The following CEP128 variants were observed in gnomAD, a reference collection of about 807,000 sequenced individuals.
The protein encoded by CEP128 is centrosomal protein 128kDa.
A neutral mutation model predicts 156.7 loss-of-function variants in CEP128; 132 were observed. The observed-to-expected ratio is 0.84, with a 90% CI of 0.73 to 0.97. The LOEUF is 0.97. Ranked by LOEUF, CEP128 falls within the 50% of genes least tolerant of loss-of-function variation. The probability of loss-of-function intolerance (pLI) is 0.00; values close to 1 mark genes in which losing one functional copy is unlikely to be tolerated. For synonymous variants in CEP128, 469 were observed against 448.9 expected (o/e 1.04, Z -0.57); for missense variants, 1,252 against 1,281.9 (o/e 0.98, Z 0.36).
intron 19 of CEP128, among the ~76,000 whole-genome samples, chr14:80,658,400 C>T (rs1020209066): frequency 3.9e-5 from 6 of 152,250 alleles, no homozygotes; most frequent in African/African-American, 1.4e-4. Context: ...GCTGTTCATC[C>T]ACACTCCTCA....
chr14:80,621,637 A>G (rs1264880728), intron 19 of CEP128, among the ~76,000 whole-genome samples: 2 of 152,228 alleles, frequency 1.3e-5, no homozygotes, highest in Non-Finnish European at 2.9e-5. Context: ...AAAAGGGGGT[A>G]CGGTCTAGAT....
At chr14:80,769,446 A>C in intron 16 of CEP128, among the ~76,000 whole-genome samples, 1 of 151,522 alleles carries the variant, frequency 6.6e-6, no homozygotes, top group African/African-American at 2.4e-5. Flanking sequence ...GCCCCACGAC[A>C]GGCCCCGGTG....
At chr14:80,739,196 A>C (rs1433786608) in intron 19 of CEP128, among the ~76,000 whole-genome samples, 1 of 152,184 alleles carries the variant, frequency 6.6e-6, no homozygotes, top group Non-Finnish European at 1.5e-5. Flanking sequence ...CTTCTAGACT[A>C]TGTATATGTT....
intron 10 of CEP128, among the ~76,000 whole-genome samples, chr14:80,839,086 G>A (rs890636970): frequency 2.6e-5 from 4 of 152,088 alleles, no homozygotes; most frequent in Admixed American, 2.0e-4. Context: ...GCAACAGAGC[G>A]AGACTCCGTC....
At chr14:80,518,091 T>C (rs7161144) in intron 23 of CEP128, among the ~76,000 whole-genome samples, 117,189 of 148,352 alleles carry the variant, frequency 0.79, 48,345 homozygotes, top group Middle Eastern at 0.9. Flanking sequence ...AACTCCCATA[T>C]AATGGGAGGG....
chr14:80,775,936 T>C (rs147574209), intron 16 of CEP128, among the ~76,000 whole-genome samples: 1,576 of 152,218 alleles, frequency 0.01, 30 homozygotes, highest in African/African-American at 0.037. Context: ...CGGGTTCAAG[T>C]GATTCTCCTG....
intron 23 of CEP128, among the ~76,000 whole-genome samples, chr14:80,523,855 T>G (rs1426948451): frequency 6.6e-6 from 1 of 152,214 alleles, no homozygotes; most frequent in Non-Finnish European, 1.5e-5. Flanking sequence ...GACCAGAGGT[T>G]GGAAAACTTT....
upstream of CEP128, among the ~76,000 whole-genome samples, chr14:80,946,327 CAT>C (rs1471616432): frequency 3.1e-5 from 2 of 65,388 alleles, no homozygotes; most frequent in African/African-American, 6.0e-5. Flanking sequence ...CATGATGCAT[CAT>C]GATGATGCCT....
At chr14:80,647,149 T>C (rs1056584807) in intron 19 of CEP128, among the ~76,000 whole-genome samples, 1 of 136,268 alleles carries the variant, frequency 7.3e-6, no homozygotes, top group Non-Finnish European at 1.5e-5. Context: ...ACACACACAC[T>C]GCATTCTAGA....
At chr14:80,498,504 T>C (rs1045713252) in intron 24 of CEP128, among the ~76,000 whole-genome samples, 2 of 152,182 alleles carry the variant, frequency 1.3e-5, no homozygotes, top group Non-Finnish European at 2.9e-5. Flanking sequence ...CAGTAGCCCG[T>C]ATCTCTAGGA....
At chr14:80,868,467 T>A (rs1887876478) in intron 8 of CEP128, among the ~76,000 whole-genome samples, 1 of 151,956 alleles carries the variant, frequency 6.6e-6, no homozygotes, top group African/African-American at 2.4e-5. Flanking sequence ...TTTATGTAAA[T>A]ACCATGGTAA....
downstream of CEP128, among the ~76,000 whole-genome samples, chr14:80,486,743 T>C (rs867423785): frequency 1.3e-5 from 2 of 151,986 alleles, no homozygotes; most frequent in African/African-American, 2.4e-5. Context: ...GAATTTTCAA[T>C]CCAGAATTTC....
intron 15 of CEP128, among the ~76,000 whole-genome samples, chr14:80,784,170 T>A (rs908905134): frequency 6.6e-6 from 1 of 151,794 alleles, no homozygotes; most frequent in African/African-American, 2.4e-5. Flanking sequence ...GCACTGGGGA[T>A]ATAGCTAGAA....
chr14:80,859,754 A>G (rs1292591937), intron 9 of CEP128, among the ~76,000 whole-genome samples: 2 of 152,178 alleles, frequency 1.3e-5, no homozygotes, highest in Non-Finnish European at 2.9e-5. Flanking sequence ...CCCTTGACCA[A>G]TTTCCAATGA....
rs139839421 is a variant in CEP128, at chr14:80,532,225, G to T, written c.2881-1339C>A. Among the ~76,000 whole-genome samples the T allele has an allele frequency of 9.4e-3, 1,423 of 151,748 alleles. 17 individuals carry two copies. The highest frequency in any genetic ancestry group is 0.015 in the Non-Finnish European group (1,031 of 67,918). ...TATTTTTTTTCTGAGACAGGGTCTC[G>T]CTCTGTTGTCCAGGCTAGAGTGCAA... On this transcript the variant is annotated intron_variant, in intron 21 of 24. Coordinates refer to ENST00000555265, the MANE Select transcript of CEP128 (RefSeq NM_152446.5).
chr14:80,499,532 C>T (rs1887641320), intron 24 of CEP128, among the ~76,000 whole-genome samples: 3 of 152,172 alleles, frequency 2.0e-5, no homozygotes, highest in African/African-American at 7.2e-5. Context: ...AATAACAATT[C>T]CTTCCTTTTG....
intron 19 of CEP128, among the ~76,000 whole-genome samples, chr14:80,713,097 T>G (rs1897472712): frequency 6.6e-6 from 1 of 152,094 alleles, no homozygotes; most frequent in Non-Finnish European, 1.5e-5. Flanking sequence ...AATAAAATAG[T>G]TATCAAGAAG....
intron 16 of CEP128, among the ~76,000 whole-genome samples, chr14:80,764,299 C>T (rs550088675): frequency 6.6e-6 from 1 of 151,060 alleles, no homozygotes; most frequent in East Asian, 2.0e-4. Context: ...GAGATCGAGA[C>T]CATCCTGGCT....
intron 19 of CEP128, among the ~76,000 whole-genome samples, chr14:80,636,913 C>T (rs896775143): frequency 6.6e-6 from 1 of 151,848 alleles, no homozygotes; most frequent in Non-Finnish European, 1.5e-5. Context: ...GTGGAGAAAC[C>T]CTGTCTCTAC....
Sources: allele counts gnomAD v4.1 joint callset (sites outside exome capture counted in the v4.1 genomes callset), GRCh38; gene constraint gnomAD v4.1.1; transcripts MANE v1.5; gene names NCBI Gene and HGNC (gene_info 2026-07-23, HGNC 2026-07-21).